The following ZNF646 variants were observed in gnomAD, a reference collection of about 807,000 sequenced individuals.
ZNF646 encodes zinc finger protein 646.
In ZNF646, 49 loss-of-function variants were observed where a neutral mutation model predicts 115.4. The observed-to-expected ratio is 0.42, with a 90% CI of 0.34 to 0.54. ZNF646 has a LOEUF of 0.54. Among genes scored for constraint, ZNF646 ranks in the 20% least tolerant of loss-of-function variants. The pLI, the probability that ZNF646 is intolerant of heterozygous loss-of-function variation, is 0.04. For synonymous variants in ZNF646, 933 were observed against 939.0 expected, an observed-to-expected ratio of 0.99 and a Z score of 0.12; for missense variants, 2,269 against 2,457.9, an observed-to-expected ratio of 0.92 and a Z score of 1.62.
At position 31,081,050 on chromosome 16, in the gene ZNF646, A is replaced by G. The variant is rs757168709; in HGVS notation, c.4726A>G (p.Ser1576Gly). ...FLNPVATKSH[S>G]HNHIDAQTFA... The stretch of plus-strand genomic sequence containing the variant: ...AAATCCTGTGGCCACAAAGAGCCAC[A>G]GCCACAACCACATAGACGCCCAGAC... Residue 1576 changes from serine to glycine, a missense_variant, in exon 2 of 3, where the codon AGC becomes GGC. Physicochemically the swap from Ser to Gly is moderately conservative, Grantham distance 56. Transcript: ENST00000300850. 5 of 1,614,042 alleles carry G rather than the reference A, an allele frequency of 3.1e-6. No homozygotes were observed. The East Asian group carries it at 1.1e-4, about 36-fold the overall frequency.
In ZNF646 at chr16:31,077,325, A is replaced by C. The variant is rs375723605; in HGVS notation, c.1001A>C (p.Asn334Thr). Reference sequence around the variant, plus strand: ...GAGGAGAAAGGGATGCCCACCACCAATGGGCACACAGATGAGAGCAGCCAG... The same window carrying C: ...GAGGAGAAAGGGATGCCCACCACCACTGGGCACACAGATGAGAGCAGCCAG... Reference protein sequence around the residue: ...RWEEKGMPTTNGHTDESSQDQ... With the variant: ...RWEEKGMPTTTGHTDESSQDQ... Residue 334 changes from asparagine (N) to threonine (T), a missense_variant, in exon 2 of 3, where the codon AAT (asparagine) becomes ACT (threonine). Transcript: ENST00000300850. The C allele has an allele frequency of 6.2e-7, 1 of 1,613,320 alleles. No homozygotes were observed. The highest frequency in any genetic ancestry group is 1.3e-5 in the African/African-American group (1 of 74,910).
chr16:31,079,021 C>T lies in ZNF646; in HGVS notation c.2697C>T (p.His899=), dbSNP rs2057118290. Residue 899 remains histidine (H), a synonymous_variant, in exon 2 of 3, where the codon CAC becomes CAT. Coordinates refer to ENST00000300850, the MANE Select transcript of ZNF646 (RefSeq NM_014699.4). The surrounding 1 kb of genome is among the most constrained non-coding windows in gnomAD (Gnocchi z 5.5). ...CTGGGCGGGCTGGCTACAGGCTTCA[C>T]CGGCGCCAGGCCCACAGCTCCTCTG... ...IFPGRAGYRL[H]RRQAHSSSGM... 1.3e-6 allele frequency: 2 copies of T among 1,588,416 alleles called. No individual in the cohort carries two copies. Among genetic ancestry groups the T allele is most frequent in the African/African-American group, 1.3e-5 (1 of 74,686 alleles).
chr16:31,079,010 T>C lies in ZNF646; in HGVS notation c.2686T>C (p.Tyr896His), dbSNP rs1258887864. ...CATGATCTTCCCTGGGCGGGCTGGC[T>C]ACAGGCTTCACCGGCGCCAGGCCCA... Reference protein sequence around the residue: ...CGMIFPGRAGYRLHRRQAHSS... With the variant: ...CGMIFPGRAGHRLHRRQAHSS... Residue 896 changes from tyrosine to histidine, a missense_variant, in exon 2 of 3, where the codon TAC becomes CAC. By Grantham distance (83) the Tyr-to-His change is moderately conservative. Coordinates refer to ENST00000300850, the MANE Select transcript of ZNF646 (RefSeq NM_014699.4). This position sits in a 1 kb window ranked among gnomAD's most constrained non-coding sequence, Gnocchi z 5.5. 5 of 1,594,422 alleles carry C rather than the reference T, an allele frequency of 3.1e-6. No individual in the cohort carries two copies. Among genetic ancestry groups the C allele is most frequent in the Non-Finnish European group, 4.3e-6 (5 of 1,168,428 alleles).
intron 2 of ZNF646, chr16:31,082,725 G>A (rs1253896111): frequency 1.9e-6 from 1 of 525,990 alleles, no homozygotes; most frequent in Non-Finnish European, 3.4e-6. Flanking sequence ...AGAGCAGAGG[G>A]CAGGTGGGAG....
chr16:31,080,289 A>G lies in ZNF646; in HGVS notation c.3965A>G (p.Glu1322Gly), dbSNP rs1279119320. The G allele has an allele frequency of 1.9e-6, 3 of 1,612,880 alleles. No homozygotes were observed. The African/African-American group carries it at 4.0e-5, about 22-fold the overall frequency. ...GSLLNHRRSH[E>G]TGQYSCPTCP... ...CTCCTGAACCACCGGCGCAGCCACG[A>G]GACGGGCCAGTACAGCTGCCCCACC... The change falls in exon 2 of 3, where the codon GAG becomes GGG. Residue 1322 changes from glutamate (E) to glycine (G), a missense_variant. By Grantham distance (98) the Glu-to-Gly change is moderately conservative (BLOSUM62 -2). Around this residue, in one of 5 missense-constraint regions of ZNF646, gnomAD observed 1,062 missense variants for 1,172.8 expected, o/e 0.91. Coordinates refer to ENST00000300850, the MANE Select transcript of ZNF646 (RefSeq NM_014699.4).
rs767191035 is a variant in ZNF646 at position 31,081,370 on chromosome 16, C to T, written c.5046C>T (p.Cys1682=). Residue 1682 remains cysteine (C), a synonymous_variant, in exon 2 of 3, where the codon TGC becomes TGT. Coordinates refer to ENST00000300850, the MANE Select transcript of ZNF646 (RefSeq NM_014699.4). ...AGCGGCCCTTCCGCTGCACCCAGTG[C>T]GGGCGCTCCTACCGCCATGCTGGCA... The part of the protein sequence containing the change: ...DKERPFRCTQ[C]GRSYRHAGSL... 6.3e-5 allele frequency: 101 copies of T among 1,612,848 alleles called. 1 individual carries two copies. The highest frequency in any genetic ancestry group is 3.1e-4 in the East Asian group (14 of 44,850).
At chr16:31,081,734 G>A (rs968537981) in intron 2 of ZNF646, 33 bp downstream of exon 2, 1 of 1,534,334 alleles carries the variant, frequency 6.5e-7, no homozygotes, top group African/African-American at 1.4e-5. Flanking sequence ...GGAGGAGGTG[G>A]GCACACAGTG....
rs1277740506 is a variant in ZNF646, at chr16:31,080,077, C to G, written c.3753C>G (p.Ile1251Met). 1 of 1,613,142 alleles carries G rather than the reference C, an allele frequency of 6.2e-7. No individual in the cohort carries two copies. The highest frequency in any genetic ancestry group is 8.5e-7 in the Non-Finnish European group (1 of 1,179,782). Residue 1251 changes from isoleucine to methionine, a missense_variant, in exon 2 of 3, where the codon ATC becomes ATG. Ile to Met is a conservative substitution (Grantham distance 10, BLOSUM62 1). Around this residue, in one of 5 missense-constraint regions of ZNF646, gnomAD observed 1,062 missense variants for 1,172.8 expected, o/e 0.91. Coordinates refer to ENST00000300850, the MANE Select transcript of ZNF646 (RefSeq NM_014699.4). The part of the protein sequence containing the change: ...NLMSLKNHRR[I>M]HADPRRFRCS... ...TGTCCCTCAAGAACCACCGGCGCAT[C>G]CATGCAGATCCCCGACGTTTCCGCT...
chr16:31,080,214 G>A lies in ZNF646; in HGVS notation c.3890G>A (p.Arg1297Gln), dbSNP rs375325195. The A allele has an allele frequency of 2.7e-5, 44 of 1,610,284 alleles. No homozygotes were observed. Among genetic ancestry groups the A allele is most frequent in the Non-Finnish European group, 3.6e-5 (42 of 1,178,220 alleles). Residue 1297 changes from arginine (R) to glutamine (Q), a missense_variant, in exon 2 of 3, where the codon CGG becomes CAG. Physicochemically the swap from Arg to Gln is conservative, Grantham distance 43 (BLOSUM62 1). Coordinates refer to ENST00000300850, the MANE Select transcript of ZNF646 (RefSeq NM_014699.4). The part of the protein sequence containing the change: ...GGTRKATRED[R>Q]PFRCGQCGRT... ...ACCCGAAAGGCGACTCGGGAAGATC[G>A]GCCCTTCCGCTGTGGGCAGTGCGGG...
At position 31,078,214 on chromosome 16, in the gene ZNF646, C is replaced by T; in HGVS notation, c.1890C>T (p.Gly630=). ...GTGGAAAGAGCTATCGCCACTCAGG[C>T]AGCCTTATCAACCACAGGCAGACCC... is the stretch of plus-strand genomic sequence containing the variant. The part of the protein sequence containing the change: ...RDCGKSYRHS[G]SLINHRQTHQ... Residue 630 remains glycine, a synonymous_variant, in exon 2 of 3, where the codon GGC becomes GGT. Coordinates refer to ENST00000300850, the MANE Select transcript of ZNF646 (RefSeq NM_014699.4). 1 of 1,614,086 alleles carries T rather than the reference C, an allele frequency of 6.2e-7. No homozygotes were observed. Among genetic ancestry groups the T allele is most frequent in the South Asian group, 1.1e-5 (1 of 91,090 alleles).
rs751866495 is a variant in ZNF646, at chr16:31,080,847, C to G, written c.4523C>G (p.Pro1508Arg). 5.6e-6 allele frequency: 9 copies of G among 1,613,972 alleles called. No homozygotes were observed. The highest frequency in any genetic ancestry group is 7.6e-6 in the Non-Finnish European group (9 of 1,180,024). The change falls in exon 2 of 3, where the codon CCT becomes CGT. Residue 1508 changes from proline to arginine, a missense_variant. Physicochemically the swap from Pro to Arg is moderately radical, Grantham distance 103. Coordinates refer to ENST00000300850, the MANE Select transcript of ZNF646 (RefSeq NM_014699.4). The part of the protein sequence containing the change: ...CHAGDCQLNG[P>R]TLSHMDSWDN... ...GCTGGTGACTGCCAGCTCAATGGACCTACTCTGAGTCACATGGATAGCTGG... is the reference window on the plus strand; with the variant it reads ...GCTGGTGACTGCCAGCTCAATGGACGTACTCTGAGTCACATGGATAGCTGG...
rs907967493 is a variant in ZNF646 at position 31,083,291 on chromosome 16, C to T, written c.*199C>T. On this transcript the variant is annotated 3_prime_UTR_variant, in exon 3 of 3. Transcript: ENST00000300850. ...CCCTGTCCTTGAAGGACCTCCTTCC[C>T]CCAGCCTCATCACCGTGCTCTTCTC... is the stretch of plus-strand genomic sequence containing the variant. The T allele has an allele frequency of 2.2e-5, 22 of 983,646 alleles. No individual in the cohort carries two copies. The highest frequency in any genetic ancestry group is 3.3e-4 in the Middle Eastern group (1 of 2,988). 60.9% of individuals were successfully genotyped at this position (983,646 alleles called of 1,614,324 possible).
Position 31,076,371 on chromosome 16 carries a change from A to G in ZNF646, c.47A>G (p.His16Arg). The change falls in exon 2 of 3, where the codon CAC becomes CGC. Residue 16 changes from histidine (H) to arginine (R), a missense_variant. Around this residue, in one of 5 missense-constraint regions of ZNF646, gnomAD observed 334 missense variants for 323.5 expected, o/e 1.03. Transcript: ENST00000300850. ...CTCAGCTGCTCCGACTGTCAGCGCC[A>G]CTTTCCCAGCCTCCCAGAGCTCTCT... ...PSLSCSDCQRHFPSLPELSRH... is the reference protein window; with the variant it reads ...PSLSCSDCQRRFPSLPELSRH... 4 of 1,613,450 alleles carry G rather than the reference A, an allele frequency of 2.5e-6. No individual in the cohort carries two copies. The highest frequency in any genetic ancestry group is 3.4e-6 in the Non-Finnish European group (4 of 1,179,836).
chr16:31,081,164 G>A lies in ZNF646; in HGVS notation c.4840G>A (p.Val1614Met). Residue 1614 changes from valine (V) to methionine (M), a missense_variant, in exon 2 of 3, where the codon GTG becomes ATG. Physicochemically the swap from Val to Met is conservative, Grantham distance 21. Transcript: ENST00000300850. ...LQAHARGHSQ[V>M]PAQMEEARDP... ...GGCTCATGCCCGGGGCCACAGCCAG[G>A]TGCCAGCCCAGATGGAGGAGGCCAG... 6.3e-7 allele frequency: 1 copy of A among 1,597,604 alleles called. No homozygotes were observed.
chr16:31,082,609 A>C, intron 2 of ZNF646: 1 of 277,238 alleles, frequency 3.6e-6, no homozygotes. Flanking sequence ...CCTCAGCAGG[A>C]CCTGGGCTGG....
At chr16:31,076,091 T>A in intron 1 of ZNF646, 155 bp from the exon 2 acceptor site, 1 of 491,236 alleles carries the variant, frequency 2.0e-6, no homozygotes, top group Non-Finnish European at 3.5e-6. Flanking sequence ...AAGCCTTAAA[T>A]GATGGTGCCT....
At chr16:31,074,971 C>T (rs972357448) in intron 1 of ZNF646, among the ~76,000 whole-genome samples, 3 of 152,140 alleles carry the variant, frequency 2.0e-5, no homozygotes, top group African/African-American at 7.2e-5. Context: ...TGAAGACCGC[C>T]TCAGTCAGGG....
At position 31,080,847 on chromosome 16, in the gene ZNF646, C is replaced by T. The variant is rs751866495; in HGVS notation, c.4523C>T (p.Pro1508Leu). The change falls in exon 2 of 3, where the codon CCT becomes CTT. Residue 1508 changes from proline to leucine, a missense_variant. Pro to Leu is a moderately conservative substitution (Grantham distance 98). This residue lies in a region of ZNF646 where 1,062 missense variants were observed against 1,172.8 expected (regional missense o/e 0.91). Transcript: ENST00000300850. ...GCTGGTGACTGCCAGCTCAATGGACCTACTCTGAGTCACATGGATAGCTGG... is the reference window on the plus strand; with the variant it reads ...GCTGGTGACTGCCAGCTCAATGGACTTACTCTGAGTCACATGGATAGCTGG... ...CHAGDCQLNG[P>L]TLSHMDSWDN... 6.2e-7 allele frequency: 1 copy of T among 1,614,090 alleles called. No homozygotes were observed. The highest frequency in any genetic ancestry group is 8.5e-7 in the Non-Finnish European group (1 of 1,180,016).
chr16:31,083,321 C>A lies in ZNF646; in HGVS notation c.*229C>A. ...CCTCATCACCGTGCTCTTCTCAGCG[C>A]CACCCTCAGCAGCCAGATTGCAACA... On this transcript the variant is annotated 3_prime_UTR_variant, in exon 3 of 3. Transcript: ENST00000300850. 1.0e-6 allele frequency: 1 copy of A among 970,414 alleles called. No homozygotes were observed. The highest frequency in any genetic ancestry group is 1.4e-6 in the Non-Finnish European group (1 of 690,266). The allele number at this position is 970,414 out of a possible 1,614,324, so 60.1% of individuals were successfully genotyped here. A position where few individuals can be genotyped will look rare whatever the true frequency, so the allele number is the denominator to read the frequency against.
Sources: allele counts gnomAD v4.1 joint callset (sites outside exome capture counted in the v4.1 genomes callset), GRCh38; gene constraint gnomAD v4.1.1; regional missense constraint gnomAD v4.1.1; non-coding constraint Gnocchi (gnomAD v3.1); transcripts MANE v1.5; gene names NCBI Gene and HGNC (gene_info 2026-07-23, HGNC 2026-07-21).